Variants in DENND2B observed in about 807,000 individuals in gnomAD.
The protein encoded by DENND2B is DENN domain containing 2B, also known as DENN domain-containing protein 2B.
In DENND2B, 32 loss-of-function variants were observed where a neutral mutation model predicts 116.0. That is an observed-to-expected ratio of 0.28 (90% confidence interval 0.21 to 0.37). The LOEUF (loss-of-function observed/expected upper bound fraction) is 0.37, where lower values mean the gene tolerates loss of function less well. Among genes scored for constraint, DENND2B ranks in the 10% least tolerant of loss-of-function variants. The probability of loss-of-function intolerance (pLI) is 1.00; values close to 1 mark genes in which losing one functional copy is unlikely to be tolerated. For synonymous variants in DENND2B, 588 were observed against 583.9 expected (o/e 1.01, Z -0.10); for missense variants, 1,276 against 1,477.7 (o/e 0.86, Z 2.24).
chr11:8,716,832 G>C (rs2044924136), intron 5 of DENND2B, among the ~76,000 whole-genome samples: 1 of 152,084 alleles, frequency 6.6e-6, no homozygotes, highest in Non-Finnish European at 1.5e-5. Flanking sequence ...ATTTTTAGTA[G>C]AGATGAGGTT....
chr11:8,822,270 A>G (rs957022578), intron 4 of DENND2B, among the ~76,000 whole-genome samples: 2 of 152,230 alleles, frequency 1.3e-5, no homozygotes, highest in African/African-American at 4.8e-5. Flanking sequence ...AATTAGATAT[A>G]CTAATACACT....
At chr11:8,836,413 C>CTTTTT (rs67181023) in intron 4 of DENND2B, among the ~76,000 whole-genome samples, 309 of 77,504 alleles carry the variant, frequency 4.0e-3, no homozygotes, top group East Asian at 5.0e-3. Context: ...TTCTGTACTT[C>CTTTTT]TTTTTTTTTT....
Position 8,730,728 on chromosome 11 carries a change from G to A in DENND2B, c.562C>T (p.Arg188Trp), listed in dbSNP as rs761140681. 4 of 1,612,124 alleles carry A rather than the reference G, an allele frequency of 2.5e-6. No homozygotes were observed. Among genetic ancestry groups the A allele is most frequent in the African/African-American group, 1.3e-5 (1 of 74,948 alleles). The change falls in exon 3 of 20, where the codon CGG becomes TGG. Residue 188 changes from arginine (R) to tryptophan (W), a missense_variant. Coordinates refer to ENST00000313726, the MANE Select transcript of DENND2B (RefSeq NM_213618.2). This position sits in a 1 kb window ranked among gnomAD's most constrained non-coding sequence, Gnocchi z 4.1. ...SPRMSMCGEKREGSGSEWAAS... is the reference protein window; with the variant it reads ...SPRMSMCGEKWEGSGSEWAAS... The stretch of plus-strand genomic sequence containing the variant: ...GCCCACTCGCTCCCAGAGCCCTCCC[G>A]CTTCTCTCCACACATGCTCATCCTG...
At chr11:8,729,749 T>C (rs1404078841) in intron 3 of DENND2B, among the ~76,000 whole-genome samples, 1 of 152,188 alleles carries the variant, frequency 6.6e-6, no homozygotes, top group Non-Finnish European at 1.5e-5. Context: ...CCTGTAAGCA[T>C]TCCCACTCAT....
chr11:8,802,384 G>A (rs1486286295), intron 1 of DENND2B, among the ~76,000 whole-genome samples: 1 of 151,976 alleles, frequency 6.6e-6, no homozygotes, highest in Non-Finnish European at 1.5e-5. Flanking sequence ...GTTCAGCAAG[G>A]AGGCAGGAAG....
At chr11:8,735,352 C>T (rs2048836024) in intron 2 of DENND2B, among the ~76,000 whole-genome samples, 1 of 152,146 alleles carries the variant, frequency 6.6e-6, no homozygotes, top group African/African-American at 2.4e-5. Flanking sequence ...AATGAGGCCA[C>T]CTTGGACCCA....
intron 1 of DENND2B, among the ~76,000 whole-genome samples, chr11:8,793,844 T>C (rs2059589864): frequency 1.3e-5 from 2 of 152,240 alleles, no homozygotes; most frequent in Admixed American, 6.5e-5. Flanking sequence ...TTCTAACTTC[T>C]CTACATTCTC....
At chr11:8,890,512 C>A (rs1403921302) in intron 1 of DENND2B, among the ~76,000 whole-genome samples, 2 of 151,990 alleles carry the variant, frequency 1.3e-5, no homozygotes, top group African/African-American at 4.8e-5. Context: ...AGACGAATGG[C>A]TAACTAGAAT....
upstream of DENND2B, among the ~76,000 whole-genome samples, chr11:8,814,968 A>G (rs1187760184): frequency 6.6e-6 from 1 of 152,172 alleles, no homozygotes; most frequent in Non-Finnish European, 1.5e-5. Flanking sequence ...AAATTCCTGT[A>G]AAGCCTCCCT....
chr11:8,851,758 A>G (rs1225745145), intron 3 of DENND2B, among the ~76,000 whole-genome samples: 1 of 152,218 alleles, frequency 6.6e-6, no homozygotes, highest in Non-Finnish European at 1.5e-5. Context: ...CAGGAGATTA[A>G]AGTAGATCAA....
intron 8 of DENND2B, among the ~76,000 whole-genome samples, chr11:8,713,670 G>A (rs180952237): frequency 3.2e-4 from 49 of 152,242 alleles, no homozygotes; most frequent in Admixed American, 1.9e-3. Context: ...ATGAGCCACC[G>A]CGCCCGGCTG....
chr11:8,861,338 A>C (rs927216541), intron 2 of DENND2B, among the ~76,000 whole-genome samples: 10 of 152,334 alleles, frequency 6.6e-5, no homozygotes, highest in African/African-American at 2.4e-4. Flanking sequence ...TTCAGCAAGA[A>C]AAAAACACTC....
At chr11:8,807,621 A>G (rs2292049) in intron 1 of DENND2B, among the ~76,000 whole-genome samples, 103,673 of 152,014 alleles carry the variant, frequency 0.68, 35,892 homozygotes, top group Non-Finnish European at 0.74. Flanking sequence ...AGCGGAGTAG[A>G]AGGAGGAAAG....
rs552770381 is a variant in DENND2B at position 8,779,572 on chromosome 11, G to C, written c.-25-28847C>G. ...TTGTTGCCCAGGCTGCAGTACAATG[G>C]TGGAATCTCGGCTCACCACAACCTC... On this transcript the variant is annotated intron_variant, in intron 1 of 19. Coordinates refer to ENST00000313726, the MANE Select transcript of DENND2B (RefSeq NM_213618.2). Among the ~76,000 whole-genome samples, 157 of 147,134 alleles carry C rather than the reference G, an allele frequency of 1.1e-3. 1 individual carries two copies. The highest frequency in any genetic ancestry group is 3.7e-3 in the African/African-American group (148 of 40,076).
At chr11:8,812,284 G>A (rs1022831031), upstream of DENND2B, among the ~76,000 whole-genome samples, 1 of 152,124 alleles carries the variant, frequency 6.6e-6, no homozygotes, top group Admixed American at 6.5e-5. Flanking sequence ...GAGATAGGCT[G>A]ACTACCATCC....
chr11:8,694,724 A>G (rs2040040288), intron 19 of DENND2B: 4 of 419,100 alleles, frequency 9.5e-6, no homozygotes, highest in South Asian at 5.2e-5. Context: ...ACATATATAG[A>G]CTTTTTTTTT....
At chr11:8,743,670 G>C (rs1159326138) in intron 2 of DENND2B, among the ~76,000 whole-genome samples, 1 of 152,040 alleles carries the variant, frequency 6.6e-6, no homozygotes, top group Non-Finnish European at 1.5e-5. Flanking sequence ...AAGACAGTAA[G>C]GCTCCTAAGA....
chr11:8,793,244 G>A (rs2059539098), intron 1 of DENND2B, among the ~76,000 whole-genome samples: 1 of 152,050 alleles, frequency 6.6e-6, no homozygotes, highest in African/African-American at 2.4e-5. Flanking sequence ...CAATTCAGTG[G>A]CATTAACTAT....
chr11:8,894,575 A>G (rs1371074619), intron 1 of DENND2B, among the ~76,000 whole-genome samples: 1 of 152,190 alleles, frequency 6.6e-6, no homozygotes, highest in Non-Finnish European at 1.5e-5. Flanking sequence ...AACCCCATCA[A>G]AAAGTGGGCA....
Sources: allele counts gnomAD v4.1 joint callset (sites outside exome capture counted in the v4.1 genomes callset), GRCh38; gene constraint gnomAD v4.1.1; non-coding constraint Gnocchi (gnomAD v3.1); transcripts MANE v1.5; gene names NCBI Gene and HGNC (gene_info 2026-07-23, HGNC 2026-07-21).